Variants in ANGPT1 observed in about 807,000 individuals in gnomAD.
The protein encoded by ANGPT1 is angiopoietin-1.
A neutral mutation model predicts 62.2 loss-of-function variants in ANGPT1; 17 were observed. That is an observed-to-expected ratio of 0.27 (90% confidence interval 0.19 to 0.41). The LOEUF (loss-of-function observed/expected upper bound fraction) is 0.41, where lower values mean the gene tolerates loss of function less well. Among genes scored for constraint, ANGPT1 ranks in the 10% least tolerant of loss-of-function variants. The pLI is 1.00. For missense variants in ANGPT1, 478 were observed against 594.9 expected (o/e 0.80, Z 2.04); for synonymous variants, 199 against 198.9 (o/e 1.00, Z 0.00).
chr8:107,293,145 TAAG>T (rs1052745607), intron 6 of ANGPT1, among the ~76,000 whole-genome samples: 3 of 152,082 alleles, frequency 2.0e-5, no homozygotes, highest in Non-Finnish European at 4.4e-5. Context: ...TAAAAATTGA[TAAG>T]AAATTACATA....
At chr8:107,355,726 C>T (rs1480985687) in intron 1 of ANGPT1, among the ~76,000 whole-genome samples, 1 of 152,140 alleles carries the variant, frequency 6.6e-6, no homozygotes, top group African/African-American at 2.4e-5. Context: ...AGCTTTTCCT[C>T]CTCTAGGAAG....
At chr8:107,457,353 A>T (rs1811945812) in intron 1 of ANGPT1, among the ~76,000 whole-genome samples, 2 of 152,112 alleles carry the variant, frequency 1.3e-5, no homozygotes, top group South Asian at 4.1e-4. Flanking sequence ...TTATAACAGT[A>T]ATAGCCAACA....
intron 3 of ANGPT1, among the ~76,000 whole-genome samples, chr8:107,328,903 T>C (rs1399920314): frequency 6.6e-6 from 1 of 151,930 alleles, no homozygotes; most frequent in Non-Finnish European, 1.5e-5. Flanking sequence ...TGATAAATTA[T>C]ATATCTATTA....
At chr8:107,430,139 A>G (rs1245101896) in intron 1 of ANGPT1, among the ~76,000 whole-genome samples, 1 of 152,206 alleles carries the variant, frequency 6.6e-6, no homozygotes, top group Non-Finnish European at 1.5e-5. Context: ...TAATTAGTAT[A>G]CAGAAAAAAA....
intron 4 of ANGPT1, among the ~76,000 whole-genome samples, chr8:107,314,568 T>G (rs1439015312): frequency 6.6e-6 from 1 of 152,180 alleles, no homozygotes; most frequent in Non-Finnish European, 1.5e-5. Flanking sequence ...AACAGTCAAT[T>G]TTGCCTTAAG....
At chr8:107,383,312 A>G (rs1226454727) in intron 1 of ANGPT1, among the ~76,000 whole-genome samples, 1 of 152,160 alleles carries the variant, frequency 6.6e-6, no homozygotes, top group East Asian at 1.9e-4. Context: ...AAAGGGCTGG[A>G]TGTACACCTG....
At chr8:107,481,532 C>CAAAAA (rs71562147) in intron 1 of ANGPT1, among the ~76,000 whole-genome samples, 9 of 64,304 alleles carry the variant, frequency 1.4e-4, no homozygotes, top group Admixed American at 4.0e-4. Flanking sequence ...GACTCTGTCT[C>CAAAAA]AAAAAAAAAA....
intron 1 of ANGPT1, among the ~76,000 whole-genome samples, chr8:107,427,107 T>C (rs1045045784): frequency 1.2e-4 from 18 of 152,344 alleles, no homozygotes; most frequent in African/African-American, 4.3e-4. Context: ...CTTTTCCTGA[T>C]TCTGATTTTA....
chr8:107,443,329 T>C (rs1298167637), intron 1 of ANGPT1, among the ~76,000 whole-genome samples: 1 of 152,152 alleles, frequency 6.6e-6, no homozygotes, highest in Non-Finnish European at 1.5e-5. Context: ...GAGGCCCAGG[T>C]TCCACTCCTG....
intron 4 of ANGPT1, among the ~76,000 whole-genome samples, chr8:107,321,694 C>A (rs1342913067): frequency 6.6e-6 from 1 of 152,072 alleles, no homozygotes; most frequent in Non-Finnish European, 1.5e-5. Flanking sequence ...ATTGTGGATT[C>A]ACAAATTTAG....
chr8:107,432,647 G>A (rs1027556864), intron 1 of ANGPT1, among the ~76,000 whole-genome samples: 1 of 146,742 alleles, frequency 6.8e-6, no homozygotes, highest in African/African-American at 2.5e-5. Context: ...CTGGGCAACA[G>A]AGCGAGACTC....
At chr8:107,328,154 T>G (rs1336635207) in intron 3 of ANGPT1, among the ~76,000 whole-genome samples, 1 of 152,140 alleles carries the variant, frequency 6.6e-6, no homozygotes, top group Non-Finnish European at 1.5e-5. Context: ...TGTCTGAATC[T>G]ATTTACAGAT....
At chr8:107,493,275 A>G (rs1403533192) in intron 1 of ANGPT1, among the ~76,000 whole-genome samples, 1 of 150,536 alleles carries the variant, frequency 6.6e-6, no homozygotes, top group East Asian at 2.0e-4. Context: ...AACCACCACA[A>G]CAACTTTGAA....
At position 107,465,132 on chromosome 8, in the gene ANGPT1, G is replaced by T. The variant is rs1030352163; in HGVS notation, c.297+32130C>A. Among the ~76,000 whole-genome samples, 4 of 152,070 alleles carry T rather than the reference G, an allele frequency of 2.6e-5. No homozygotes were observed. The East Asian group carries it at 5.8e-4, about 22-fold the overall frequency. Reference sequence around the variant, plus strand: ...GAAAGATTCAGACAGGCTCAGTGGGGTTAACTATGTATAAATATACAGAAG... The same window carrying T: ...GAAAGATTCAGACAGGCTCAGTGGGTTTAACTATGTATAAATATACAGAAG... On this transcript the variant is annotated intron_variant, in intron 1 of 8. Transcript: ENST00000517746.
At chr8:107,314,519 G>A (rs942938744) in intron 4 of ANGPT1, among the ~76,000 whole-genome samples, 5 of 152,118 alleles carry the variant, frequency 3.3e-5, no homozygotes, top group East Asian at 1.9e-4. Flanking sequence ...CAGATAACAC[G>A]CTCCATCAAA....
At chr8:107,470,850 C>T (rs950728845) in intron 1 of ANGPT1, among the ~76,000 whole-genome samples, 1 of 152,088 alleles carries the variant, frequency 6.6e-6, no homozygotes, top group Non-Finnish European at 1.5e-5. Flanking sequence ...CCATGAGATA[C>T]CATCTCGTAC....
At chr8:107,333,972 AG>A (rs1486966744) in intron 3 of ANGPT1, among the ~76,000 whole-genome samples, 1 of 89,830 alleles carries the variant, frequency 1.1e-5, no homozygotes, top group African/African-American at 4.7e-5. Flanking sequence ...AAAGAAAGAA[AG>A]GAGGGAGGGA....
intron 8 of ANGPT1, among the ~76,000 whole-genome samples, chr8:107,254,586 C>T (rs1233206341): frequency 2.0e-5 from 3 of 152,102 alleles, no homozygotes; most frequent in South Asian, 4.2e-4. Flanking sequence ...TGATATTTAA[C>T]GAGACCAGAA....
chr8:107,432,206 C>T (rs1241680277), intron 1 of ANGPT1, among the ~76,000 whole-genome samples: 1 of 151,200 alleles, frequency 6.6e-6, no homozygotes, highest in African/African-American at 2.4e-5. Context: ...CCCCCAAAGA[C>T]ATTATAGACT....
Sources: allele counts gnomAD v4.1 joint callset (sites outside exome capture counted in the v4.1 genomes callset), GRCh38; gene constraint gnomAD v4.1.1; transcripts MANE v1.5; gene names NCBI Gene and HGNC (gene_info 2026-07-23, HGNC 2026-07-21).